The following DPP4 variants were observed in gnomAD, a reference collection of about 807,000 sequenced individuals.
DPP4 encodes ADCP-2.
A neutral mutation model predicts 122.4 loss-of-function variants in DPP4; 93 were observed. The observed-to-expected ratio is 0.76, with a 90% CI of 0.64 to 0.90. The LOEUF (loss-of-function observed/expected upper bound fraction) is 0.90, where lower values mean the gene tolerates loss of function less well. Ranked by LOEUF, DPP4 falls within the 40% of genes least tolerant of loss-of-function variation. The probability of loss-of-function intolerance (pLI) is 0.00; values close to 1 mark genes in which losing one functional copy is unlikely to be tolerated. For synonymous variants in DPP4, 321 were observed against 302.9 expected, an observed-to-expected ratio of 1.06 and a Z score of -0.62; for missense variants, 914 against 907.3, an observed-to-expected ratio of 1.01 and a Z score of -0.09.
chr2:161,992,722 CTGTT>C lies in DPP4; in HGVS notation c.*557_*560del, dbSNP rs1265535447. The C allele has an allele frequency of 2.0e-5, 3 of 153,000 alleles. No individual in the cohort carries two copies. The highest frequency in any genetic ancestry group is 4.4e-5 in the Non-Finnish European group (3 of 68,336). The allele number at this position is 153,000 out of a possible 1,614,324, so 9.5% of individuals were successfully genotyped here. On this transcript the variant is annotated 3_prime_UTR_variant, in exon 26 of 26. Transcript: ENST00000360534. The stretch of plus-strand genomic sequence containing the variant: ...GCTTTGCATATTTGATTTCCTGAGA[CTGTT>C]TGAATAGTCTTTCTCAGAAAACTGT...
chr2:162,073,949 C>T, intron 1 of DPP4, 27 bp downstream of exon 1: 1 of 1,611,470 alleles, frequency 6.2e-7, no homozygotes, highest in Non-Finnish European at 8.5e-7. Flanking sequence ...CAGCTCGCCC[C>T]GGGGACGTAC....
Position 162,008,629 on chromosome 2 carries a change from C to T in DPP4, c.1920G>A (p.Leu640=). 1 of 1,613,698 alleles carries T rather than the reference C, an allele frequency of 6.2e-7. No individual in the cohort carries two copies. The highest frequency in any genetic ancestry group is 8.5e-7 in the Non-Finnish European group (1 of 1,179,756). The change falls in exon 22 of 26, where the codon CTG becomes CTA. Residue 640 remains leucine (L), a synonymous_variant. Transcript: ENST00000360534. ...ACTTGAACACGCCACTTCCCGATCC[C>T]AGGACCATTGAGGTTACGTACCCTC... ...SYGGYVTSMV[L]GSGSGVFKCG...
intron 1 of DPP4, 114 bp downstream of exon 1, chr2:162,073,862 C>T: frequency 7.0e-7 from 1 of 1,429,464 alleles, no homozygotes; most frequent in Non-Finnish European, 9.5e-7. Context: ...GGCCTTGGGG[C>T]TTCCGCCTAA....
chr2:161,998,841 G>A (rs1223435162), intron 23 of DPP4, among the ~76,000 whole-genome samples: 2 of 152,144 alleles, frequency 1.3e-5, no homozygotes, highest in African/African-American at 2.4e-5. Flanking sequence ...AGAAAAAGAC[G>A]AAAACTGTGA....
At chr2:162,027,148 C>A (rs1304603444) in intron 10 of DPP4, among the ~76,000 whole-genome samples, 1 of 152,020 alleles carries the variant, frequency 6.6e-6, no homozygotes, top group African/African-American at 2.4e-5. Context: ...GTCAGGAGTT[C>A]AAGACCAGCC....
intron 10 of DPP4, among the ~76,000 whole-genome samples, chr2:162,030,744 C>T (rs1172661562): frequency 6.6e-6 from 1 of 152,100 alleles, no homozygotes; most frequent in Admixed American, 6.5e-5. Flanking sequence ...TAACCGCAAC[C>T]TTACCAGCGT....
chr2:162,033,707 G>A (rs7608798), intron 9 of DPP4, 54 bp from the exon 10 acceptor site: 396,740 of 1,202,210 alleles, frequency 0.33, 70,896 homozygotes, highest in East Asian at 0.7. Flanking sequence ...AAGTAACATC[G>A]TTGCACACAT....
intron 21 of DPP4, among the ~76,000 whole-genome samples, chr2:162,009,004 TTCCC>T (rs909521442): frequency 4.3e-4 from 66 of 152,164 alleles, no homozygotes; most frequent in African/African-American, 1.4e-3. Context: ...CCCTTCCCTC[TTCCC>T]TCCCTCTTTC....
At chr2:162,005,690 T>C (rs972256033) in intron 23 of DPP4, 55 bp downstream of exon 23, 2 of 1,450,790 alleles carry the variant, frequency 1.4e-6, no homozygotes, top group Non-Finnish European at 1.9e-6. Flanking sequence ...ATTAAGAAGG[T>C]TCTTAAACCA....
At chr2:161,998,128 G>T (rs1234124271) in intron 23 of DPP4, among the ~76,000 whole-genome samples, 1 of 152,298 alleles carries the variant, frequency 6.6e-6, no homozygotes, top group African/African-American at 2.4e-5. Flanking sequence ...GGCATACTTT[G>T]TGACTACGCA....
intron 2 of DPP4, among the ~76,000 whole-genome samples, chr2:162,055,936 A>G (rs921103554): frequency 6.6e-6 from 1 of 151,986 alleles, no homozygotes; most frequent in Non-Finnish European, 1.5e-5. Context: ...TTTCCACTCC[A>G]TCCACACTGG....
intron 2 of DPP4, among the ~76,000 whole-genome samples, chr2:162,071,900 T>A (rs1388290999): frequency 1.3e-5 from 2 of 152,222 alleles, no homozygotes; most frequent in Admixed American, 1.3e-4. Flanking sequence ...ACAGTATTCC[T>A]TCCAACTTGC....
chr2:162,013,658 A>C (rs772058995), intron 19 of DPP4, among the ~76,000 whole-genome samples: 55 of 152,074 alleles, frequency 3.6e-4, no homozygotes, highest in Admixed American at 1.2e-3. Context: ...GATGCCAAGC[A>C]CCTGGCATTC....
At chr2:161,998,688 CT>C (rs138306753) in intron 23 of DPP4, among the ~76,000 whole-genome samples, 12 of 151,496 alleles carry the variant, frequency 7.9e-5, no homozygotes, top group Non-Finnish European at 1.3e-4. Context: ...TTCTGGCTGC[CT>C]TTTTTTTTCT....
At chr2:162,000,957 G>A (rs1369585180) in intron 23 of DPP4, among the ~76,000 whole-genome samples, 2 of 151,932 alleles carry the variant, frequency 1.3e-5, no homozygotes, top group South Asian at 2.1e-4. Flanking sequence ...TCAGTTCATC[G>A]GACCTGCTTC....
chr2:162,062,877 A>G (rs1027610669), intron 2 of DPP4, among the ~76,000 whole-genome samples: 15 of 152,102 alleles, frequency 9.9e-5, no homozygotes, highest in African/African-American at 3.4e-4. Flanking sequence ...CCACAATCTC[A>G]GAGATTAGTA....
chr2:162,000,371 C>T (rs1653123870), intron 23 of DPP4, among the ~76,000 whole-genome samples: 2 of 152,102 alleles, frequency 1.3e-5, no homozygotes, highest in African/African-American at 4.8e-5. Context: ...CATGGGATGC[C>T]AAGGAGAGAG....
At chr2:162,061,002 C>CCTTCCTTCCT (rs1684753543) in intron 2 of DPP4, among the ~76,000 whole-genome samples, 1 of 118,340 alleles carries the variant, frequency 8.5e-6, no homozygotes, top group African/African-American at 3.8e-5. Context: ...CCCTCCCTCC[C>CCTTCCTTCCT]TCCCTCCTTC....
chr2:162,022,940 T>A, intron 11 of DPP4, 141 bp from the exon 12 acceptor site: 2 of 886,784 alleles, frequency 2.3e-6, no homozygotes, highest in Non-Finnish European at 1.8e-6. Flanking sequence ...TTTATGTTAG[T>A]ATTTTTCAAG....
Sources: gnomAD v4.1 joint callset for allele counts (sites outside exome capture counted in the v4.1 genomes callset) on GRCh38, gnomAD v4.1.1 for gene constraint, MANE v1.5 for transcripts, NCBI Gene and HGNC (gene_info 2026-07-23, HGNC 2026-07-21) for gene names.